The following BICC1 variants were observed in gnomAD, a reference collection of about 807,000 sequenced individuals.
The protein encoded by BICC1 is protein bicaudal C homolog 1.
A neutral mutation model predicts 111.0 loss-of-function variants in BICC1; 43 were observed. That is an observed-to-expected ratio of 0.39 (90% CI 0.30 to 0.50). The LOEUF is 0.50. BICC1 is among the 20% of genes least tolerant of loss of function. The probability of loss-of-function intolerance (pLI) is 0.88; values close to 1 mark genes in which losing one functional copy is unlikely to be tolerated. For synonymous variants in BICC1, 467 were observed against 434.4 expected (o/e 1.07, Z -0.93); for missense variants, 1,091 against 1,203.2 (o/e 0.91, Z 1.38).
At chr10:58,535,085 T>A (rs575704919) in intron 1 of BICC1, among the ~76,000 whole-genome samples, 8 of 151,634 alleles carry the variant, frequency 5.3e-5, no homozygotes, top group Non-Finnish European at 1.0e-4. Flanking sequence ...CCAAGAAATA[T>A]GGGATTATGC....
intron 1 of BICC1, among the ~76,000 whole-genome samples, chr10:58,620,241 T>C (rs1360499460): frequency 6.6e-6 from 1 of 152,224 alleles, no homozygotes; most frequent in Admixed American, 6.5e-5. Context: ...CTACCATTTA[T>C]CTATAAAAAT....
intron 3 of BICC1, among the ~76,000 whole-genome samples, chr10:58,758,748 T>C (rs12266633): frequency 0.012 from 1,779 of 152,282 alleles, 32 homozygotes; most frequent in African/African-American, 0.04. Context: ...GTGAAACATT[T>C]CTGTTTTGGG....
intron 3 of BICC1, among the ~76,000 whole-genome samples, chr10:58,728,128 A>G (rs972196735): frequency 1.3e-5 from 2 of 152,196 alleles, no homozygotes; most frequent in East Asian, 1.9e-4. Context: ...AAAGTCAACA[A>G]TGAAGTTTGC....
intron 12 of BICC1, among the ~76,000 whole-genome samples, chr10:58,799,483 G>C (rs1358709719): frequency 6.6e-6 from 1 of 152,064 alleles, no homozygotes; most frequent in Admixed American, 6.6e-5. Flanking sequence ...TGTTACATGG[G>C]GAAATTGCAT....
intron 1 of BICC1, among the ~76,000 whole-genome samples, chr10:58,610,520 G>A (rs1242795728): frequency 6.6e-6 from 1 of 151,968 alleles, no homozygotes; most frequent in Admixed American, 6.6e-5. Context: ...TGTGGGAAAT[G>A]AAATTTTAAA....
chr10:58,741,301 T>G (rs1233185867), intron 3 of BICC1, among the ~76,000 whole-genome samples: 1 of 152,188 alleles, frequency 6.6e-6, no homozygotes, highest in Non-Finnish European at 1.5e-5. Context: ...TTTGAATTAA[T>G]TTTTATGGAT....
intron 1 of BICC1, among the ~76,000 whole-genome samples, chr10:58,532,633 A>G (rs1425502058): frequency 1.3e-5 from 2 of 151,812 alleles, no homozygotes; most frequent in Non-Finnish European, 2.9e-5. Context: ...AAAAAAATTC[A>G]TCTTATTCAT....
chr10:58,619,082 C>T (rs1299861821), intron 1 of BICC1, among the ~76,000 whole-genome samples: 4 of 152,136 alleles, frequency 2.6e-5, no homozygotes, highest in Admixed American at 6.5e-5. Flanking sequence ...ATTAAGGACA[C>T]GATTACATTG....
At chr10:58,665,131 TG>T (rs1435551916) in intron 2 of BICC1, among the ~76,000 whole-genome samples, 1 of 152,136 alleles carries the variant, frequency 6.6e-6, no homozygotes, top group African/African-American at 2.4e-5. Context: ...GAAGGGTAAG[TG>T]GGTGGTTTGG....
intron 2 of BICC1, among the ~76,000 whole-genome samples, chr10:58,644,622 G>A (rs910805492): frequency 5.3e-5 from 8 of 152,090 alleles, no homozygotes; most frequent in East Asian, 1.9e-4. Context: ...TAGAGTGATC[G>A]AAAAAACTAG....
chr10:58,718,583 T>C (rs1840823658), intron 3 of BICC1, among the ~76,000 whole-genome samples: 1 of 152,222 alleles, frequency 6.6e-6, no homozygotes, highest in Non-Finnish European at 1.5e-5. Flanking sequence ...AATTGATGGA[T>C]AATTTCTATA....
intron 1 of BICC1, among the ~76,000 whole-genome samples, chr10:58,591,991 A>G (rs182635257): frequency 1.2e-3 from 177 of 152,366 alleles, no homozygotes; most frequent in African/African-American, 4.2e-3. Flanking sequence ...AATACAGAAT[A>G]TACTTTCCAG....
chr10:58,715,471 A>G (rs746202650), intron 3 of BICC1: 1 of 790,954 alleles, frequency 1.3e-6, no homozygotes, highest in Non-Finnish European at 2.2e-6. Context: ...GGGAGGCGGC[A>G]AGAGGACCTG....
intron 1 of BICC1, among the ~76,000 whole-genome samples, chr10:58,605,847 T>C (rs1311349074): frequency 6.6e-6 from 1 of 152,348 alleles, no homozygotes; most frequent in East Asian, 1.9e-4. Context: ...ATCATCTATG[T>C]TGTTGTTTCC....
At chr10:58,565,437 C>A (rs1214299470) in intron 1 of BICC1, among the ~76,000 whole-genome samples, 1 of 152,158 alleles carries the variant, frequency 6.6e-6, no homozygotes, top group African/African-American at 2.4e-5. Context: ...CCAAAATTCT[C>A]TGCCTCTGTG....
chr10:58,829,124 AATTTGCAATATAAGG>A lies in BICC1; in HGVS notation c.*236_*250del, dbSNP rs1844484215. On this transcript the variant is annotated 3_prime_UTR_variant, in exon 21 of 21. Coordinates refer to ENST00000373886, the MANE Select transcript of BICC1 (RefSeq NM_001080512.3). ...CTTTTTTAAAATGGCAGTTGGACAGAATTTGCAATATAAGGATAGGGCTTTATTTCCTGTTTTTAT... is the reference window on the plus strand; with the variant it reads ...CTTTTTTAAAATGGCAGTTGGACAGAATAGGGCTTTATTTCCTGTTTTTAT... The A allele has an allele frequency of 2.6e-6, 1 of 384,454 alleles. No individual in the cohort carries two copies. Among genetic ancestry groups the A allele is most frequent in the East Asian group, 4.8e-5 (1 of 20,638 alleles). 23.8% of individuals were successfully genotyped at this position (384,454 alleles called of 1,614,324 possible). A position where few individuals can be genotyped will look rare whatever the true frequency, so the allele number is the denominator to read the frequency against.
At chr10:58,605,400 T>C (rs1413449802) in intron 1 of BICC1, among the ~76,000 whole-genome samples, 3 of 152,228 alleles carry the variant, frequency 2.0e-5, no homozygotes, top group African/African-American at 7.2e-5. Flanking sequence ...TTAGCCATTG[T>C]CTGTTGTATT....
intron 1 of BICC1, among the ~76,000 whole-genome samples, chr10:58,565,809 A>G (rs1408585132): frequency 6.6e-6 from 1 of 151,936 alleles, no homozygotes; most frequent in Non-Finnish European, 1.5e-5. Flanking sequence ...AGGTCAATAT[A>G]TTTTTTAAAA....
intron 1 of BICC1, among the ~76,000 whole-genome samples, chr10:58,534,993 A>G (rs1169442838): frequency 2.6e-5 from 4 of 151,718 alleles, no homozygotes; most frequent in Non-Finnish European, 4.4e-5. Flanking sequence ...AGAAGAAACA[A>G]TTTCAGAGCT....
Sources: allele counts gnomAD v4.1 joint callset (sites outside exome capture counted in the v4.1 genomes callset), GRCh38; gene constraint gnomAD v4.1.1; transcripts MANE v1.5; gene names NCBI Gene and HGNC (gene_info 2026-07-23, HGNC 2026-07-21).